The following PTPRC variants were observed in gnomAD, a reference collection of about 807,000 sequenced individuals.
PTPRC encodes protein tyrosine phosphatase receptor type C, also known as receptor-type tyrosine-protein phosphatase C.
Under a neutral mutation model 155.9 loss-of-function variants are expected in PTPRC, and 44 were observed. That is an observed-to-expected ratio of 0.28 (90% CI 0.22 to 0.36). PTPRC has a LOEUF of 0.36. Ranked by LOEUF, PTPRC falls within the 10% of genes least tolerant of loss-of-function variation. PTPRC has a pLI of 1.00. For synonymous variants in PTPRC, 525 were observed against 533.1 expected (o/e 0.98, Z 0.21); for missense variants, 1,401 against 1,564.6 (o/e 0.90, Z 1.76).
intron 11 of PTPRC, among the ~76,000 whole-genome samples, chr1:198,711,789 A>C (rs1408008952): frequency 6.6e-6 from 1 of 152,248 alleles, no homozygotes; most frequent in African/African-American, 2.4e-5. Context: ...AAAACAGCTC[A>C]ATTGAAAATG....
At chr1:198,655,656 C>T (rs1663523819) in intron 2 of PTPRC, among the ~76,000 whole-genome samples, 1 of 152,020 alleles carries the variant, frequency 6.6e-6, no homozygotes, top group Admixed American at 6.6e-5. Flanking sequence ...ACAGCTTAGA[C>T]TAGTTTCTGA....
intron 25 of PTPRC, 33 bp from the exon 26 acceptor site, chr1:198,744,021 G>C: frequency 1.3e-6 from 2 of 1,565,670 alleles, no homozygotes; most frequent in Non-Finnish European, 1.8e-6. Context: ...TAGATTATCA[G>C]TTAACTATCT....
At position 198,709,863 on chromosome 1, in the gene PTPRC, T is replaced by C. The variant is rs72738046; in HGVS notation, c.1171+39T>C. On this transcript the variant is annotated intron_variant, in intron 11 of 32. Coordinates refer to ENST00000442510, the MANE Select transcript of PTPRC (RefSeq NM_002838.5). ...TTGCATTTATATGTAAAATTGCTTC[T>C]CTCTTCATGTTCTTATAATTATTTG... is the stretch of plus-strand genomic sequence containing the variant. 0.017 allele frequency: 27,708 copies of C among 1,600,752 alleles called. 353 individuals are homozygous for C. Among genetic ancestry groups the C allele is most frequent in the Middle Eastern group, 0.018 (93 of 5,294 alleles).
rs1653383415 is a variant in PTPRC at position 198,712,871 on chromosome 1, A to ATATAT, written c.1172-82_1172-81insTATAT. ...CATCATTTGTCAAAATATGGTTATC[A>ATATAT]ATAATGCATGCTTATAATATGAAGA... On this transcript the variant is annotated intron_variant, in intron 11 of 32. Coordinates refer to ENST00000442510, the MANE Select transcript of PTPRC (RefSeq NM_002838.5). 5.5e-5 allele frequency: 76 copies of ATATAT among 1,372,946 alleles called. No individual in the cohort carries two copies. In the East Asian group the frequency reaches 1.7e-3, roughly 31 times the overall value. The allele number at this position is 1,372,946 out of a possible 1,614,324, so 85.0% of individuals were successfully genotyped here. A position where few individuals can be genotyped will look rare whatever the true frequency, so the allele number is the denominator to read the frequency against.
Position 198,757,425 on chromosome 1 carries a change from A to T in PTPRC, c.*1244A>T, listed in dbSNP as rs1025303799. ...AATTGTTTAAGATCTAGAAAAAAAA[A>T]ATCAAGAATAGTGGTATTTTTCATG... is the stretch of plus-strand genomic sequence containing the variant. On this transcript the variant is annotated 3_prime_UTR_variant, in exon 33 of 33. Transcript: ENST00000442510. The T allele has an allele frequency of 9.9e-5, 15 of 151,826 alleles. No individual in the cohort carries two copies. Among genetic ancestry groups the T allele is most frequent in the African/African-American group, 3.4e-4 (14 of 41,412 alleles). 9.4% of individuals were successfully genotyped at this position (151,826 alleles called of 1,614,324 possible).
intron 2 of PTPRC, among the ~76,000 whole-genome samples, chr1:198,670,951 T>G (rs1466721203): frequency 6.6e-6 from 1 of 152,178 alleles, no homozygotes; most frequent in Non-Finnish European, 1.5e-5. Flanking sequence ...GCATTAAGTA[T>G]TATAAGTAAT....
intron 17 of PTPRC, 97 bp downstream of exon 17, chr1:198,729,268 G>T: frequency 2.3e-6 from 3 of 1,306,756 alleles, no homozygotes; most frequent in Non-Finnish European, 2.0e-6. Context: ...TTAAGACAGA[G>T]TCTCATTCTG....
chr1:198,658,039 C>T (rs976221742), intron 2 of PTPRC, among the ~76,000 whole-genome samples: 2 of 152,146 alleles, frequency 1.3e-5, no homozygotes, highest in African/African-American at 2.4e-5. Flanking sequence ...AGCACATATA[C>T]ATTTCAGCCA....
chr1:198,734,294 T>G (rs1654524228), intron 21 of PTPRC, 34 bp from the exon 22 acceptor site: 1 of 1,610,054 alleles, frequency 6.2e-7, no homozygotes, highest in Non-Finnish European at 8.5e-7. Context: ...TTAAGAAAAT[T>G]TTTCTTATCA....
chr1:198,705,376 T>C (rs1652892801), intron 8 of PTPRC, among the ~76,000 whole-genome samples: 1 of 152,048 alleles, frequency 6.6e-6, no homozygotes, highest in Non-Finnish European at 1.5e-5. Flanking sequence ...TTAAGTAATA[T>C]GGAACCACTT....
At chr1:198,648,671 T>C (rs762505714) in intron 2 of PTPRC, among the ~76,000 whole-genome samples, 3 of 151,882 alleles carry the variant, frequency 2.0e-5, no homozygotes, top group Non-Finnish European at 2.9e-5. Flanking sequence ...TCTGTATCTA[T>C]GTAAAATTCA....
intron 2 of PTPRC, among the ~76,000 whole-genome samples, chr1:198,674,834 C>T (rs1395621629): frequency 6.6e-6 from 1 of 152,066 alleles, no homozygotes; most frequent in African/African-American, 2.4e-5. Context: ...CTAATATTAA[C>T]ATTTGCCAAG....
chr1:198,685,613 C>A (rs562608915), intron 2 of PTPRC, among the ~76,000 whole-genome samples: 27 of 146,242 alleles, frequency 1.8e-4, no homozygotes, highest in African/African-American at 6.6e-4. Flanking sequence ...GACCATATAG[C>A]AGATTTCTAG....
intron 2 of PTPRC, among the ~76,000 whole-genome samples, chr1:198,665,129 G>A (rs1293507215): frequency 7.0e-5 from 8 of 113,822 alleles, no homozygotes; most frequent in Non-Finnish European, 1.1e-4. Context: ...TCGCTCTGTC[G>A]CCCAGGCTGG....
At chr1:198,693,544 T>C (rs1334750783) in intron 3 of PTPRC, among the ~76,000 whole-genome samples, 1 of 152,202 alleles carries the variant, frequency 6.6e-6, no homozygotes, top group East Asian at 1.9e-4. Context: ...TGAGGGAGTT[T>C]CTGTTATCTC....
chr1:198,650,423 A>G (rs1487527565), intron 2 of PTPRC, among the ~76,000 whole-genome samples: 1 of 151,862 alleles, frequency 6.6e-6, no homozygotes, highest in East Asian at 1.9e-4. Flanking sequence ...AAGTGTTGGC[A>G]GTGCAGGTGG....
intron 6 of PTPRC, 41 bp from the exon 7 acceptor site, chr1:198,703,257 C>T (rs554294039): frequency 1.8e-5 from 29 of 1,610,440 alleles, no homozygotes; most frequent in South Asian, 8.8e-5. Context: ...TTTAATATAA[C>T]GAATTAATTA....
intron 2 of PTPRC, among the ~76,000 whole-genome samples, chr1:198,641,637 C>T (rs1662588646): frequency 6.6e-6 from 1 of 152,022 alleles, no homozygotes; most frequent in African/African-American, 2.4e-5. Context: ...GGAAGCCAAA[C>T]TTTGTTTAGA....
At chr1:198,646,624 C>T (rs1662951480) in intron 2 of PTPRC, among the ~76,000 whole-genome samples, 1 of 151,814 alleles carries the variant, frequency 6.6e-6, no homozygotes. Context: ...AGATTGACAG[C>T]TCTTTGAGCT....
Sources: allele counts gnomAD v4.1 joint callset (sites outside exome capture counted in the v4.1 genomes callset), GRCh38; gene constraint gnomAD v4.1.1; transcripts MANE v1.5; gene names NCBI Gene and HGNC (gene_info 2026-07-23, HGNC 2026-07-21).